The following CBARP variants were observed in gnomAD, a reference collection of about 807,000 sequenced individuals.
CBARP encodes the protein voltage-dependent calcium channel beta subunit-associated regulatory protein.
CBARP carries 24 observed loss-of-function variants against 36.3 expected under a neutral mutation model. The observed-to-expected ratio is 0.66, with a 90% confidence interval of 0.48 to 0.93. The LOEUF (loss-of-function observed/expected upper bound fraction) is 0.93, where lower values mean the gene tolerates loss of function less well. CBARP is among the 40% of genes least tolerant of loss of function. The probability of loss-of-function intolerance (pLI) is 0.00; values close to 1 mark genes in which losing one functional copy is unlikely to be tolerated. For missense variants in CBARP, 1,146 were observed against 980.4 expected, an observed-to-expected ratio of 1.17 and a Z score of -2.26; for synonymous variants, 586 against 453.2, an observed-to-expected ratio of 1.29 and a Z score of -3.72.
chr19:1,233,519 G>A lies in CBARP; in HGVS notation c.886C>T (p.Arg296Cys), dbSNP rs538383946. 4 of 1,596,498 alleles carry A rather than the reference G, an allele frequency of 2.5e-6. No individual in the cohort carries two copies. The highest frequency in any genetic ancestry group is 2.3e-5 in the East Asian group (1 of 44,278). The change falls in exon 8 of 10, where the codon CGC (arginine) becomes TGC (cysteine). Residue 296 changes from arginine to cysteine, a missense_variant. Physicochemically the swap from Arg to Cys is radical, Grantham distance 180. Transcript: ENST00000650044. ...TVLQFLTRLR[R>C]HASLDGASPY... is the part of the protein sequence containing the mutation. Reference sequence around the variant, plus strand: ...CTGGCCCCATCCAGGCTGGCATGGCGGCGCAGGCGGGTGAGGAACTGCAGA... The same window carrying A: ...CTGGCCCCATCCAGGCTGGCATGGCAGCGCAGGCGGGTGAGGAACTGCAGA...
chr19:1,229,947 G>A lies in CBARP; in HGVS notation c.1350C>T (p.Ala450=), dbSNP rs1351143996. ...LRASLELHAA[A]SDHSSSGNDR... Reference sequence around the variant, plus strand: ...CGTTGCCGCTGCTGCTGTGGTCCGAGGCGGCCGCATGCAGCTCAAGCGAGG... The same window carrying A: ...CGTTGCCGCTGCTGCTGTGGTCCGAAGCGGCCGCATGCAGCTCAAGCGAGG... Residue 450 remains alanine, a synonymous_variant, in exon 10 of 10, where the codon GCC becomes GCT. Transcript: ENST00000650044. The surrounding 1 kb of genome is among the most constrained non-coding windows in gnomAD (Gnocchi z 5.1). The A allele has an allele frequency of 2.5e-6, 3 of 1,199,996 alleles. No homozygotes were observed. Among genetic ancestry groups the A allele is most frequent in the Non-Finnish European group, 3.2e-6 (3 of 943,880 alleles). The allele number at this position is 1,199,996 out of a possible 1,614,324, so 74.3% of individuals were successfully genotyped here.
At chr19:1,231,004 G>A (rs367849189) in intron 9 of CBARP, 97 bp downstream of exon 9, 120 of 1,543,570 alleles carry the variant, frequency 7.8e-5, no homozygotes, top group Non-Finnish European at 9.9e-5. Flanking sequence ...GCGTGTCCAC[G>A]GGGCCTGGAG....
chr19:1,231,303 A>T, intron 8 of CBARP, 28 bp from the exon 9 acceptor site: 8 of 1,590,850 alleles, frequency 5.0e-6, no homozygotes, highest in Non-Finnish European at 6.8e-6. Context: ...CGTAAGCGTC[A>T]GCCGGCATGT....
chr19:1,234,777 C>T (rs778454951), intron 5 of CBARP, 35 bp from the exon 6 acceptor site: 3 of 1,594,052 alleles, frequency 1.9e-6, no homozygotes, highest in East Asian at 4.5e-5. Flanking sequence ...GCCCGCCCAC[C>T]TCCCATGCCC....
chr19:1,233,493 G>T lies in CBARP; in HGVS notation c.912C>A (p.Ser304Arg). Residue 304 changes from serine (S) to arginine (R), a missense_variant, in exon 8 of 10, where the codon AGC (serine) becomes AGA (arginine). Coordinates refer to ENST00000650044, the MANE Select transcript of CBARP (RefSeq NM_001393918.1). ...LRRHASLDGA[S>R]PYFKVKKWKL... ...TCCACTTCTTGACCTTGAAATAGGG[G>T]CTGGCCCCATCCAGGCTGGCATGGC... 1 of 1,606,384 alleles carries T rather than the reference G, an allele frequency of 6.2e-7. No homozygotes were observed. Among genetic ancestry groups the T allele is most frequent in the South Asian group, 1.1e-5 (1 of 90,126 alleles).
intron 9 of CBARP, chr19:1,230,529 C>T (rs1056090571): frequency 3.0e-5 from 31 of 1,040,434 alleles, no homozygotes; most frequent in African/African-American, 6.7e-5. Context: ...CAGGCTAGGG[C>T]TCTCTGCCCA....
Position 1,230,094 on chromosome 19 carries a change from C to G in CBARP, c.1203G>C (p.Pro401=). Residue 401 remains proline, a synonymous_variant, in exon 10 of 10, where the codon CCG becomes CCC. Coordinates refer to ENST00000650044, the MANE Select transcript of CBARP (RefSeq NM_001393918.1). ...AAGGASPDSP[P]ERGAGSAGPE... The stretch of plus-strand genomic sequence containing the variant: ...GCCCCGCGCTGCCCGCGCCGCGCTC[C>G]GGGGGGGAATCGGGGCTCGCTCCTC... 1.8e-6 allele frequency: 2 copies of G among 1,083,900 alleles called. No homozygotes were observed. The highest frequency in any genetic ancestry group is 2.3e-6 in the Non-Finnish European group (2 of 886,904). The allele number at this position is 1,083,900 out of a possible 1,614,324, so 67.1% of individuals were successfully genotyped here.
Position 1,229,569 on chromosome 19 carries a change from G to A in CBARP, c.1728C>T (p.His576=), listed in dbSNP as rs901128940. The A allele has an allele frequency of 3.6e-6, 4 of 1,111,978 alleles. No homozygotes were observed. Among genetic ancestry groups the A allele is most frequent in the South Asian group, 1.8e-5 (1 of 57,038 alleles). 68.9% of individuals were successfully genotyped at this position (1,111,978 alleles called of 1,614,324 possible). Residue 576 remains histidine (H), a synonymous_variant, in exon 10 of 10, where the codon CAC becomes CAT. Coordinates refer to ENST00000650044, the MANE Select transcript of CBARP (RefSeq NM_001393918.1). The surrounding 1 kb of genome is among the most constrained non-coding windows in gnomAD (Gnocchi z 5.1). ...GGCCACGCTGCCACTGTTTGCGGGC[G>A]TGCGGGTGCGCGCGGGCGCGGTGTC... The part of the protein sequence containing the change: ...AARHRARAHP[H]ARKQWQRGRQ...
In CBARP at chr19:1,230,065, T is replaced by C; in HGVS notation, c.1232A>G (p.Glu411Gly). 1 of 1,198,078 alleles carries C rather than the reference T, an allele frequency of 8.3e-7. No individual in the cohort carries two copies. Among genetic ancestry groups the C allele is most frequent in the Non-Finnish European group, 1.1e-6 (1 of 948,416 alleles). The allele number at this position is 1,198,078 out of a possible 1,614,324, so 74.2% of individuals were successfully genotyped here. Reference sequence around the variant, plus strand: ...CGGCTCCAGTGGCGGCTGCTGCTGCTCAGGCCCCGCGCTGCCCGCGCCGCG... The same window carrying C: ...CGGCTCCAGTGGCGGCTGCTGCTGCCCAGGCCCCGCGCTGCCCGCGCCGCG... ...PERGAGSAGP[E>G]QQQPPLEPDA... Residue 411 changes from glutamate (E) to glycine (G), a missense_variant, in exon 10 of 10, where the codon GAG (glutamate) becomes GGG (glycine). By Grantham distance (98) the Glu-to-Gly change is moderately conservative (BLOSUM62 -2). Transcript: ENST00000650044.
chr19:1,234,881 G>T (rs1395206403), intron 5 of CBARP, 120 bp downstream of exon 5: 5 of 1,499,834 alleles, frequency 3.3e-6, no homozygotes, highest in Non-Finnish European at 4.5e-6. Context: ...CCCACCCCAC[G>T]GTCCCAGTCC....
At chr19:1,231,365 A>G in intron 8 of CBARP, 90 bp from the exon 9 acceptor site, 1 of 1,150,968 alleles carries the variant, frequency 8.7e-7, no homozygotes, top group Non-Finnish European at 1.2e-6. Context: ...CCCGCCACAC[A>G]CACACAATGC....
intron 8 of CBARP, 57 bp from the exon 9 acceptor site, chr19:1,231,332 C>T: frequency 6.4e-7 from 1 of 1,558,078 alleles, no homozygotes; most frequent in East Asian, 2.3e-5. Flanking sequence ...CCGCTCCACA[C>T]ACACACAGAA....
At position 1,233,475 on chromosome 19, in the gene CBARP, C is replaced by T. The variant is rs1011016329; in HGVS notation, c.930G>A (p.Lys310=). 5 of 1,604,240 alleles carry T rather than the reference C, an allele frequency of 3.1e-6. No individual in the cohort carries two copies. The highest frequency in any genetic ancestry group is 2.7e-5 in the African/African-American group (2 of 74,840). ...LDGASPYFKV[K]KWKLEPSQRA... is the part of the protein sequence containing the mutation. Reference sequence around the variant, plus strand: ...GCTGGCTGGGCTCCAGCTTCCACTTCTTGACCTTGAAATAGGGGCTGGCCC... The same window carrying T: ...GCTGGCTGGGCTCCAGCTTCCACTTTTTGACCTTGAAATAGGGGCTGGCCC... The change falls in exon 8 of 10, where the codon AAG becomes AAA. Residue 310 remains lysine (K), a synonymous_variant. Transcript: ENST00000650044.
chr19:1,234,520 G>A (rs1029233377), intron 6 of CBARP, 51 bp downstream of exon 6: 18 of 1,537,960 alleles, frequency 1.2e-5, no homozygotes, highest in African/African-American at 5.4e-5. Flanking sequence ...GGGAGTCCCC[G>A]GGGCTGCCTC....
At chr19:1,233,348 C>T (rs534339637) in intron 8 of CBARP, 78 bp downstream of exon 8, 105 of 1,388,216 alleles carry the variant, frequency 7.6e-5, no homozygotes, top group Non-Finnish European at 2.9e-6. Context: ...ACCTCCTGCT[C>T]CTGGATGTCC....
Position 1,231,248 on chromosome 19 carries a change from C to T in CBARP, c.1007G>A (p.Arg336Gln). The T allele has an allele frequency of 1.2e-6, 2 of 1,601,770 alleles. No individual in the cohort carries two copies. The highest frequency in any genetic ancestry group is 8.5e-7 in the Non-Finnish European group (1 of 1,179,558). The stretch of plus-strand genomic sequence containing the variant: ...CGTGCTCTCACTGGCTGCCCGCTGC[C>T]GCTGGAAGTGGTGCCGCTTGGGGGA... ...RGSPKRHHFQ[R>Q]QRAASESTEQ... The change falls in exon 9 of 10, where the codon CGG becomes CAG. Residue 336 changes from arginine (R) to glutamine (Q), a missense_variant. Transcript: ENST00000650044.
chr19:1,230,541 C>T (rs2080876395), intron 9 of CBARP: 3 of 1,058,022 alleles, frequency 2.8e-6, no homozygotes, highest in Non-Finnish European at 3.4e-6. Context: ...CTCTGCCCAC[C>T]CATGCTGGAT....
chr19:1,230,549 G>A, intron 9 of CBARP: 1 of 1,073,716 alleles, frequency 9.3e-7, no homozygotes, highest in Non-Finnish European at 1.1e-6. Context: ...ACCCATGCTG[G>A]ATAACCAGCA....
At position 1,234,578 on chromosome 19, in the gene CBARP, ATGGCCAGAGTGGCCTTGGGAGAGG is replaced by A; in HGVS notation, c.596_619del (p.Thr199_Ala206del). The A allele has an allele frequency of 6.2e-7, 1 of 1,603,818 alleles. No individual in the cohort carries two copies. The highest frequency in any genetic ancestry group is 8.5e-7 in the Non-Finnish European group (1 of 1,176,212). ...TGCTGCCCATAGGCTCACCTGGAAG[ATGGCCAGAGTGGCCTTGGGAGAGG>A]TGGCCGGGTGGGGCGTGGTGGCTGA... On this transcript the variant is annotated inframe_deletion, in exon 6 of 10. Transcript: ENST00000650044.
Sources: allele counts gnomAD v4.1 joint callset, GRCh38; gene constraint gnomAD v4.1.1; non-coding constraint Gnocchi (gnomAD v3.1); transcripts MANE v1.5; gene names NCBI Gene and HGNC (gene_info 2026-07-23, HGNC 2026-07-21).